Variants in DCN observed in about 807,000 individuals in gnomAD.
The protein encoded by DCN is bone proteoglycan II.
Under a neutral mutation model 36.5 loss-of-function variants are expected in DCN, and 17 were observed. That is an observed-to-expected ratio of 0.47 (90% CI 0.32 to 0.70). DCN has a LOEUF of 0.70. Ranked by LOEUF, DCN falls within the 30% of genes least tolerant of loss-of-function variation. The pLI is 0.04. For missense variants in DCN, 389 were observed against 430.1 expected (o/e 0.90, Z 0.84); for synonymous variants, 163 against 161.4 (o/e 1.01, Z -0.07).
chr12:91,151,195 C>T (rs1226483628), intron 7 of DCN: 1 of 202,478 alleles, frequency 4.9e-6, no homozygotes, highest in Non-Finnish European at 1.0e-5. Flanking sequence ...AAACGTATCT[C>T]ATTTTTTTTT....
chr12:91,153,233 A>G (rs986722844), intron 5 of DCN, 44 bp from the exon 6 acceptor site: 5 of 1,066,668 alleles, frequency 4.7e-6, no homozygotes, highest in South Asian at 1.2e-5. Flanking sequence ...GATAAACATT[A>G]TAAGTACAGA....
chr12:91,166,354 G>C (rs1882571996), intron 2 of DCN, among the ~76,000 whole-genome samples: 1 of 152,134 alleles, frequency 6.6e-6, no homozygotes, highest in Non-Finnish European at 1.5e-5. Context: ...CTACCTTGTA[G>C]GAGGTTGCTT....
Position 91,159,585 on chromosome 12 carries a change from A to AT in DCN, c.325-1077dup, listed in dbSNP as rs1005025891. ...AGAGCCTTAACATATTTTTCTCCTG[A>AT]TTTTTTTTTGCCTTTTTTTATGTGT... On this transcript the variant is annotated intron_variant, in intron 3 of 7. Coordinates refer to ENST00000052754, the MANE Select transcript of DCN (RefSeq NM_001920.5). 1.3e-3 allele frequency among the ~76,000 whole-genome samples: 195 copies of AT among 150,352 alleles called. 1 individual carries two copies. The highest frequency in any genetic ancestry group is 3.7e-3 in the Admixed American group (55 of 15,036).
chr12:91,150,335 A>G (rs1480702093), intron 7 of DCN, among the ~76,000 whole-genome samples: 2 of 152,344 alleles, frequency 1.3e-5, no homozygotes, highest in Non-Finnish European at 1.5e-5. Flanking sequence ...TGACATTGGG[A>G]CAATTGCTAT....
chr12:91,180,887 G>A (rs1868369761), intron 1 of DCN: 2 of 152,232 alleles, frequency 1.3e-5, no homozygotes, highest in African/African-American at 2.4e-5. Flanking sequence ...AAATAGCAAC[G>A]ACAGTTAATG....
chr12:91,178,517 T>C lies in DCN; in HGVS notation c.36A>G (p.Gln12=). The change falls in exon 2 of 8, where the codon CAA becomes CAG. Residue 12 remains glutamine, a synonymous_variant. Coordinates refer to ENST00000052754, the MANE Select transcript of DCN (RefSeq NM_001920.5). ...GTTGAAACGGTCCAGCCCAGGAAAC[T>C]TGTGCAAGCAGAAGGAGGATGATAG... is the stretch of plus-strand genomic sequence containing the variant. The part of the protein sequence containing the change: ...KATIILLLLA[Q]VSWAGPFQQR... 1 of 1,613,656 alleles carries C rather than the reference T, an allele frequency of 6.2e-7. No individual in the cohort carries two copies. Among genetic ancestry groups the C allele is most frequent in the Non-Finnish European group, 8.5e-7 (1 of 1,179,932 alleles).
chr12:91,164,296 G>T (rs1451175141), intron 3 of DCN, among the ~76,000 whole-genome samples: 2 of 148,048 alleles, frequency 1.4e-5, no homozygotes, highest in African/African-American at 5.1e-5. Context: ...CAGCGCACCA[G>T]CATGGCACAT....
At position 91,158,386 on chromosome 12, in the gene DCN, T is replaced by G. The variant is rs1386287237; in HGVS notation, c.448A>C (p.Lys150Gln). ...QLKELPEKMPKTLQELRAHEN... is the reference protein window; with the variant it reads ...QLKELPEKMPQTLQELRAHEN... ...TGGGCACGCAGCTCCTGAAGAGTTT[T>G]GGGCATTTTTTCTGGCAATTCCTTC... The change falls in exon 4 of 8, where the codon AAA (lysine) becomes CAA (glutamine). Residue 150 changes from lysine (K) to glutamine (Q), a missense_variant. Physicochemically the swap from Lys to Gln is moderately conservative, Grantham distance 53. Transcript: ENST00000052754. 6.2e-7 allele frequency: 1 copy of G among 1,613,660 alleles called. No individual in the cohort carries two copies. The highest frequency in any genetic ancestry group is 8.5e-7 in the Non-Finnish European group (1 of 1,179,650).
At chr12:91,176,059 G>A (rs1883270186) in intron 2 of DCN, 1 of 152,082 alleles carries the variant, frequency 6.6e-6, no homozygotes, top group Non-Finnish European at 1.5e-5. Flanking sequence ...GTAAGGAAGA[G>A]TTAGATAATA....
chr12:91,158,596 T>C (rs1380167960), intron 3 of DCN, 87 bp from the exon 4 acceptor site: 2 of 792,158 alleles, frequency 2.5e-6, no homozygotes, highest in Non-Finnish European at 4.5e-6. Context: ...ATTCCATTCA[T>C]AGGGATAGCA....
intron 7 of DCN, chr12:91,150,752 A>G (rs887433812): frequency 1.3e-5 from 2 of 152,180 alleles, no homozygotes; most frequent in Non-Finnish European, 2.9e-5. Flanking sequence ...TATATACCCA[A>G]AGAAATATAA....
At chr12:91,166,657 G>A (rs1421318066) in intron 2 of DCN, among the ~76,000 whole-genome samples, 1 of 152,114 alleles carries the variant, frequency 6.6e-6, no homozygotes, top group East Asian at 1.9e-4. Context: ...AATTTCAAAT[G>A]TGTAGGGAAA....
At chr12:91,158,226 TAAAA>T in intron 4 of DCN, 66 bp downstream of exon 4, 1 of 1,004,984 alleles carries the variant, frequency 1.0e-6, no homozygotes, top group Non-Finnish European at 1.6e-6. Flanking sequence ...TTCCTGCACT[TAAAA>T]CCCAGTTGAA....
rs952369106 is a variant in DCN, at chr12:91,161,722, G to T, written c.324+2883C>A. On this transcript the variant is annotated intron_variant, in intron 3 of 7. Transcript: ENST00000052754. ...ATTTGTCTGTTTCTTATTTTCTTCT[G>T]CCTTTGCTTTCTTCTTGTACAGAAA... 3.9e-5 allele frequency among the ~76,000 whole-genome samples: 6 copies of T among 152,234 alleles called. No homozygotes were observed. In the East Asian group the frequency reaches 1.2e-3, roughly 29 times the overall value.
intron 5 of DCN, among the ~76,000 whole-genome samples, chr12:91,154,596 A>G (rs1287211719): frequency 1.3e-5 from 2 of 152,268 alleles, no homozygotes; most frequent in Admixed American, 6.5e-5. Flanking sequence ...ACCTTGCAAT[A>G]GGTTTGAGAT....
At chr12:91,158,574 G>A in intron 3 of DCN, 65 bp from the exon 4 acceptor site, 1 of 889,946 alleles carries the variant, frequency 1.1e-6, no homozygotes, top group South Asian at 1.3e-5. Flanking sequence ...TAAAACAAGG[G>A]CATGTTTGTT....
At chr12:91,164,045 A>G (rs1882338110) in intron 3 of DCN, among the ~76,000 whole-genome samples, 1 of 152,184 alleles carries the variant, frequency 6.6e-6, no homozygotes, top group African/African-American at 2.4e-5. Flanking sequence ...AAAGTCAGGT[A>G]AATTGTTAGT....
chr12:91,162,585 A>G (rs575921391), intron 3 of DCN, among the ~76,000 whole-genome samples: 1 of 152,350 alleles, frequency 6.6e-6, no homozygotes, highest in Admixed American at 6.5e-5. Context: ...TAGATATGAA[A>G]TTAGAGTTTG....
At chr12:91,167,424 G>A (rs1241334169) in intron 2 of DCN, among the ~76,000 whole-genome samples, 1 of 151,492 alleles carries the variant, frequency 6.6e-6, no homozygotes, top group Non-Finnish European at 1.5e-5. Flanking sequence ...AAAGCAGTGT[G>A]GTTAGTTTTA....
Sources: allele counts gnomAD v4.1 joint callset (sites outside exome capture counted in the v4.1 genomes callset), GRCh38; gene constraint gnomAD v4.1.1; transcripts MANE v1.5; gene names NCBI Gene and HGNC (gene_info 2026-07-23, HGNC 2026-07-21).